The following BOC variants were observed in gnomAD, a reference collection of about 807,000 sequenced individuals.
BOC encodes brother of CDO.
A neutral mutation model predicts 112.0 loss-of-function variants in BOC; 76 were observed. The observed-to-expected ratio is 0.68, with a 90% CI of 0.56 to 0.82. The LOEUF is 0.82. BOC is among the 40% of genes least tolerant of loss of function. BOC has a pLI of 0.00. For synonymous variants in BOC, 580 were observed against 599.8 expected (o/e 0.97, Z 0.48); for missense variants, 1,309 against 1,511.7 (o/e 0.87, Z 2.22).
intron 4 of BOC, among the ~76,000 whole-genome samples, chr3:113,258,971 A>G (rs1946521539): frequency 6.6e-6 from 1 of 152,238 alleles, no homozygotes; most frequent in South Asian, 2.1e-4. Context: ...TCTGTTTTCT[A>G]CTGGATGCAG....
Position 113,278,918 on chromosome 3 carries a change from G to A in BOC, c.1816+135G>A. The A allele has an allele frequency of 1.3e-6, 1 of 759,236 alleles. No individual in the cohort carries two copies. The highest frequency in any genetic ancestry group is 2.1e-6 in the Non-Finnish European group (1 of 471,676). The allele number at this position is 759,236 out of a possible 1,614,324, so 47.0% of individuals were successfully genotyped here. A position where few individuals can be genotyped will look rare whatever the true frequency, so the allele number is the denominator to read the frequency against. On this transcript the variant is annotated intron_variant, in intron 11 of 19. Transcript: ENST00000682979. This position sits in a 1 kb window ranked among gnomAD's most constrained non-coding sequence, Gnocchi z 4.2. ...ACATCTCCCAGTTAACCACAATGAGGAAATGTAGTTTGGAGCTTTTTAAAT... is the reference window on the plus strand; with the variant it reads ...ACATCTCCCAGTTAACCACAATGAGAAAATGTAGTTTGGAGCTTTTTAAAT...
At chr3:113,235,601 G>C (rs1279444679) in intron 2 of BOC, among the ~76,000 whole-genome samples, 1 of 151,428 alleles carries the variant, frequency 6.6e-6, no homozygotes, top group African/African-American at 2.4e-5. Flanking sequence ...GGGCATAAGT[G>C]GGGGAAGGTG....
Position 113,279,834 on chromosome 3 carries a change from C to G in BOC, c.2034C>G (p.Tyr678Ter). ...EITGLEKGTS[Y>*]KFRVRALNML... is the part of the protein sequence containing the mutation. ...TGTCCCTCTCACCAGGCACCTCCTA[C>G]AAGTTTCGAGTCCGGGCTCTGAACA... The change falls in exon 13 of 20, where the codon TAC (tyrosine) becomes TAG (stop). Residue 678 changes from tyrosine to a stop codon, truncating the protein, a stop_gained. Coordinates refer to ENST00000682979, the MANE Select transcript of BOC (RefSeq NM_001378074.1). LOFTEE classifies it high-confidence loss of function. 1 of 1,606,794 alleles carries G rather than the reference C, an allele frequency of 6.2e-7. No individual in the cohort carries two copies. The highest frequency in any genetic ancestry group is 8.5e-7 in the Non-Finnish European group (1 of 1,176,194).
At chr3:113,256,915 G>C (rs1038115234) in intron 4 of BOC, among the ~76,000 whole-genome samples, 6 of 152,046 alleles carry the variant, frequency 3.9e-5, no homozygotes, top group African/African-American at 9.7e-5. Flanking sequence ...GGAAACTCAG[G>C]CATATTTTCT....
chr3:113,222,432 A>C (rs1940875834), intron 2 of BOC, among the ~76,000 whole-genome samples: 1 of 152,212 alleles, frequency 6.6e-6, no homozygotes, highest in Admixed American at 6.5e-5. Context: ...TGGGGGGAAA[A>C]TAGGAGAGAT....
In BOC at chr3:113,279,926, T is replaced by A; in HGVS notation, c.2126T>A (p.Val709Glu). The change falls in exon 13 of 20, where the codon GTG (valine) becomes GAG (glutamate). Residue 709 changes from valine (V) to glutamate (E), a missense_variant. Physicochemically the swap from Val to Glu is moderately radical, Grantham distance 121. Coordinates refer to ENST00000682979, the MANE Select transcript of BOC (RefSeq NM_001378074.1). ...PYVVSGYSGR[V>E]YERPVAGPYI... ...GTGGTGTCGGGCTACAGCGGTCGCG[T>A]GTACGAGAGGCCCGTGGCAGGTCCT... 1.9e-6 allele frequency: 3 copies of A among 1,613,882 alleles called. No homozygotes were observed. Among genetic ancestry groups the A allele is most frequent in the Non-Finnish European group, 2.5e-6 (3 of 1,179,960 alleles).
intron 4 of BOC, among the ~76,000 whole-genome samples, chr3:113,264,860 G>C (rs565456455): frequency 3.9e-5 from 6 of 152,318 alleles, no homozygotes; most frequent in African/African-American, 1.4e-4. Flanking sequence ...GCCAAGGACC[G>C]AACTGCTGCT....
chr3:113,270,631 A>G (rs1376883959), intron 5 of BOC, 170 bp from the exon 6 acceptor site: 2 of 707,802 alleles, frequency 2.8e-6, no homozygotes, highest in East Asian at 2.7e-5. Flanking sequence ...GCAAGGTTTT[A>G]TGGGGAGAAC....
At chr3:113,214,024 C>A (rs776621461) in intron 1 of BOC, among the ~76,000 whole-genome samples, 11 of 152,204 alleles carry the variant, frequency 7.2e-5, no homozygotes, top group Non-Finnish European at 1.3e-4. Context: ...TGCTTCACTG[C>A]AAGAGACATT....
intron 1 of BOC, 186 bp downstream of exon 1, chr3:113,212,202 G>T (rs993501623): frequency 2.0e-5 from 3 of 150,946 alleles, no homozygotes; most frequent in African/African-American, 7.3e-5. Flanking sequence ...TGGGAGCTGC[G>T]GCCGAGGCTG....
intron 2 of BOC, among the ~76,000 whole-genome samples, chr3:113,244,311 A>G (rs1944646118): frequency 6.6e-6 from 1 of 152,210 alleles, no homozygotes; most frequent in African/African-American, 2.4e-5. Flanking sequence ...CTTCCCAGTA[A>G]TATTAATAAT....
intron 2 of BOC, among the ~76,000 whole-genome samples, chr3:113,224,361 T>C (rs566816293): frequency 6.6e-6 from 1 of 152,250 alleles, no homozygotes; most frequent in African/African-American, 2.4e-5. Flanking sequence ...CTTTCTTGAG[T>C]CAGCCTCGAA....
chr3:113,212,351 T>G (rs938563202), intron 1 of BOC: 3 of 152,168 alleles, frequency 2.0e-5, no homozygotes, highest in Non-Finnish European at 2.9e-5. Flanking sequence ...TGGTTTCGCC[T>G]CAGCGGTTCC....
At chr3:113,260,146 C>T (rs765178869) in intron 4 of BOC, among the ~76,000 whole-genome samples, 9 of 152,138 alleles carry the variant, frequency 5.9e-5, no homozygotes, top group Non-Finnish European at 1.2e-4. Flanking sequence ...GTGCTGTCCA[C>T]GGGGCCTGGC....
intron 4 of BOC, among the ~76,000 whole-genome samples, chr3:113,264,104 T>C (rs968292139): frequency 6.6e-6 from 1 of 152,182 alleles, no homozygotes; most frequent in African/African-American, 2.4e-5. Context: ...TAAAATATCA[T>C]GGGCTTTCTC....
intron 2 of BOC, among the ~76,000 whole-genome samples, chr3:113,222,592 G>A (rs575253945): frequency 3.9e-5 from 6 of 152,262 alleles, no homozygotes; most frequent in East Asian, 3.9e-4. Flanking sequence ...GCTCCGTGTC[G>A]GGGGATGTAA....
chr3:113,280,988 A>G (rs771468539), intron 14 of BOC, 43 bp from the exon 15 acceptor site: 1 of 1,609,664 alleles, frequency 6.2e-7, no homozygotes. Flanking sequence ...CAAGAAAACC[A>G]TATACACATT....
intron 4 of BOC, among the ~76,000 whole-genome samples, chr3:113,254,393 C>G (rs12494864): frequency 2.6e-5 from 4 of 151,900 alleles, no homozygotes; most frequent in Non-Finnish European, 5.9e-5. Flanking sequence ...GAGGCAGCAA[C>G]GAGGTGGCGG....
chr3:113,218,976 C>G (rs988888026), intron 2 of BOC, among the ~76,000 whole-genome samples: 1 of 152,192 alleles, frequency 6.6e-6, no homozygotes, highest in Non-Finnish European at 1.5e-5. Context: ...CAACCAGTCC[C>G]TTTGTCACTG....
Sources: gnomAD v4.1 joint callset for allele counts (sites outside exome capture counted in the v4.1 genomes callset) on GRCh38, gnomAD v4.1.1 for gene constraint, Gnocchi (gnomAD v3.1) non-coding constraint, MANE v1.5 for transcripts, NCBI Gene and HGNC (gene_info 2026-07-23, HGNC 2026-07-21) for gene names.